Variants in NGF observed in about 807,000 individuals in gnomAD.
The protein encoded by NGF is beta-nerve growth factor.
NGF carries 4 observed loss-of-function variants against 12.8 expected under a neutral mutation model. That is an observed-to-expected ratio of 0.31 (90% CI 0.15 to 0.72). NGF has a LOEUF of 0.72. Ranked by LOEUF, NGF falls within the 30% of genes least tolerant of loss-of-function variation. NGF has a pLI of 0.69. For missense variants in NGF, 283 were observed against 330.8 expected (o/e 0.86, Z 1.12); for synonymous variants, 140 against 130.0 (o/e 1.08, Z -0.52).
chr1:115,337,267 G>GTTTGTTTTTTTTTTTTTTTTTTT lies in NGF; in HGVS notation c.-137+936_-137+937insAAAAAAAAAAAAAAAAAAACAAA. ...TCGAAATTTTTTTTGTTTTGTTTTT[G>GTTTGTTTTTTTTTTTTTTTTTTT]TTTTTTTTTTTTTTTTTTTTTTTTT... On this transcript the variant is annotated intron_variant, in intron 1 of 2. Transcript: ENST00000369512. Among the ~76,000 whole-genome samples, 87 of 81,026 alleles carry GTTTGTTTTTTTTTTTTTTTTTTT rather than the reference G, an allele frequency of 1.1e-3. 17 individuals carry two copies. The highest frequency in any genetic ancestry group is 2.0e-3 in the South Asian group (5 of 2,496). 53.2% of individuals were successfully genotyped at this position (81,026 alleles called of 152,430 possible). A position where few individuals can be genotyped will look rare whatever the true frequency, so the allele number is the denominator to read the frequency against.
chr1:115,286,395 G>A lies in NGF; in HGVS notation c.401C>T (p.Ser134Leu), dbSNP rs1327571056. The A allele has an allele frequency of 6.8e-6, 11 of 1,613,820 alleles. No homozygotes were observed. The African/African-American group carries it at 8.0e-5, about 12-fold the overall frequency. Residue 134 changes from serine (S) to leucine (L), a missense_variant, in exon 3 of 3, where the codon TCG (serine) becomes TTG (leucine). Physicochemically the swap from Ser to Leu is moderately radical, Grantham distance 145. This residue lies in a region of NGF where 132 missense variants were observed against 189.2 expected (regional missense o/e 0.70). Coordinates refer to ENST00000369512, the MANE Select transcript of NGF (RefSeq NM_002506.3). ...SHPIFHRGEFSVCDSVSVWVG... is the reference protein window; with the variant it reads ...SHPIFHRGEFLVCDSVSVWVG... Reference sequence around the variant, plus strand: ...CCACACGCTGACACTGTCACACACCGAGAATTCGCCCCTGTGGAAGATGGG... The same window carrying A: ...CCACACGCTGACACTGTCACACACCAAGAATTCGCCCCTGTGGAAGATGGG...
intron 1 of NGF, among the ~76,000 whole-genome samples, chr1:115,316,796 T>C (rs1654484987): frequency 6.6e-6 from 1 of 152,186 alleles, no homozygotes; most frequent in Non-Finnish European, 1.5e-5. Flanking sequence ...TGTTAAGGGA[T>C]ATTGCATATT....
chr1:115,311,728 T>A (rs1001507292), intron 1 of NGF, among the ~76,000 whole-genome samples: 3 of 152,168 alleles, frequency 2.0e-5, no homozygotes, highest in Non-Finnish European at 4.4e-5. Flanking sequence ...TCTGTGGCTC[T>A]GAAGAATTCT....
chr1:115,327,647 G>C (rs1172473686), intron 1 of NGF, among the ~76,000 whole-genome samples: 1 of 152,194 alleles, frequency 6.6e-6, no homozygotes, highest in East Asian at 1.9e-4. Context: ...TTTTCAGAAA[G>C]GGTGGAAATA....
chr1:115,306,346 G>A (rs1439908683), intron 1 of NGF, among the ~76,000 whole-genome samples: 2 of 152,208 alleles, frequency 1.3e-5, no homozygotes, highest in African/African-American at 4.8e-5. Context: ...CATGTGAGTT[G>A]CTCAATCAGG....
At chr1:115,318,093 C>T (rs1654519907) in intron 1 of NGF, among the ~76,000 whole-genome samples, 1 of 152,202 alleles carries the variant, frequency 6.6e-6, no homozygotes, top group Non-Finnish European at 1.5e-5. Flanking sequence ...TCTCTTGGGG[C>T]CTCCCTTCCA....
intron 2 of NGF, among the ~76,000 whole-genome samples, chr1:115,292,057 G>A (rs966100557): frequency 1.3e-5 from 2 of 152,220 alleles, no homozygotes; most frequent in South Asian, 4.2e-4. Context: ...TGGGCCAAGG[G>A]TCATTTCTTG....
rs374942230 is a variant in NGF, at chr1:115,314,987, G to A, written c.-136-21237C>T. On this transcript the variant is annotated intron_variant, in intron 1 of 2. Transcript: ENST00000369512. ...AAAGAGACCTGAATGAAGTGTGGGA[G>A]AAAGCTATGCAGAAATGTGGGAAGG... is the stretch of plus-strand genomic sequence containing the variant. 1.8e-4 allele frequency among the ~76,000 whole-genome samples: 28 copies of A among 152,352 alleles called. No individual in the cohort carries two copies. In the South Asian group the frequency reaches 5.8e-3, roughly 32 times the overall value.
At chr1:115,334,030 G>C (rs2101058628) in intron 1 of NGF, among the ~76,000 whole-genome samples, 1 of 151,978 alleles carries the variant, frequency 6.6e-6, no homozygotes, top group Non-Finnish European at 1.5e-5. Flanking sequence ...TCTATTTTCT[G>C]TCCCCCAATG....
At chr1:115,316,300 A>T (rs188294592) in intron 1 of NGF, among the ~76,000 whole-genome samples, 67 of 152,308 alleles carry the variant, frequency 4.4e-4, no homozygotes, top group African/African-American at 1.5e-3. Flanking sequence ...GGCTGGGAAG[A>T]GATCTAAGAG....
chr1:115,330,696 G>A (rs1390147934), intron 1 of NGF, among the ~76,000 whole-genome samples: 9 of 149,510 alleles, frequency 6.0e-5, no homozygotes, highest in African/African-American at 9.7e-5. Flanking sequence ...GGCTCAGCTC[G>A]AGTCAGCCCT....
At chr1:115,305,135 TG>T (rs1654164961) in intron 1 of NGF, among the ~76,000 whole-genome samples, 1 of 152,208 alleles carries the variant, frequency 6.6e-6, no homozygotes, top group East Asian at 1.9e-4. Flanking sequence ...TAGCATAAAC[TG>T]TGGGTTAGAA....
intron 1 of NGF, among the ~76,000 whole-genome samples, chr1:115,316,892 T>C (rs948154748): frequency 1.5e-4 from 23 of 152,186 alleles, no homozygotes; most frequent in Admixed American, 1.4e-3. Flanking sequence ...CTCAAAGAAG[T>C]GTGTACAAGT....
At chr1:115,289,300 C>T (rs932534122) in intron 2 of NGF, among the ~76,000 whole-genome samples, 1 of 152,132 alleles carries the variant, frequency 6.6e-6, no homozygotes, top group Non-Finnish European at 1.5e-5. Context: ...GAAATTCATT[C>T]CCTTATATCC....
chr1:115,312,011 A>G (rs909200275), intron 1 of NGF, among the ~76,000 whole-genome samples: 12 of 152,336 alleles, frequency 7.9e-5, no homozygotes, highest in African/African-American at 2.4e-4. Flanking sequence ...ATGTAAAATC[A>G]GAACTTGACT....
At chr1:115,306,237 G>T (rs1571082982) in intron 1 of NGF, among the ~76,000 whole-genome samples, 1 of 152,190 alleles carries the variant, frequency 6.6e-6, no homozygotes, top group East Asian at 1.9e-4. Context: ...AATAAACATT[G>T]AGCAGAAATG....
chr1:115,320,846 G>T (rs1048715769), intron 1 of NGF, among the ~76,000 whole-genome samples: 7 of 152,188 alleles, frequency 4.6e-5, no homozygotes, highest in African/African-American at 1.4e-4. Flanking sequence ...GCTACTTTCT[G>T]CTGTGTGATT....
chr1:115,315,571 A>C (rs1008336489), intron 1 of NGF, among the ~76,000 whole-genome samples: 2 of 152,182 alleles, frequency 1.3e-5, no homozygotes, highest in African/African-American at 2.4e-5. Context: ...GGCAGAATCA[A>C]GAGTTTAGGT....
chr1:115,330,872 T>C (rs1264120997), intron 1 of NGF, among the ~76,000 whole-genome samples: 1 of 152,192 alleles, frequency 6.6e-6, no homozygotes, highest in African/African-American at 2.4e-5. Context: ...CCTGGAGTAC[T>C]TCTCCTTACT....
Sources: allele counts gnomAD v4.1 joint callset (sites outside exome capture counted in the v4.1 genomes callset), GRCh38; gene constraint gnomAD v4.1.1; regional missense constraint gnomAD v4.1.1; transcripts MANE v1.5; gene names NCBI Gene and HGNC (gene_info 2026-07-23, HGNC 2026-07-21).